The following CSMD1 variants were observed in gnomAD, a reference collection of about 807,000 sequenced individuals.
CSMD1 encodes the protein CUB and sushi domain-containing protein 1.
CSMD1 carries 213 observed loss-of-function variants against 417.5 expected under a neutral mutation model. That is an observed-to-expected ratio of 0.51 (90% confidence interval 0.46 to 0.57). The LOEUF is 0.57. Among genes scored for constraint, CSMD1 ranks in the 20% least tolerant of loss-of-function variants. The pLI is 0.00. For synonymous variants in CSMD1, 2,862 were observed against 1,736.8 expected, an observed-to-expected ratio of 1.65 and a Z score of -16.11; for missense variants, 6,923 against 4,529.7, an observed-to-expected ratio of 1.53 and a Z score of -15.17.
At chr8:4,829,124 A>C (rs1203680662) in intron 1 of CSMD1, among the ~76,000 whole-genome samples, 1 of 152,186 alleles carries the variant, frequency 6.6e-6, no homozygotes, top group Non-Finnish European at 1.5e-5. Context: ...TATCTGTTTC[A>C]GTCCTTTTGG....
At chr8:4,872,655 C>T (rs1802802308) in intron 1 of CSMD1, among the ~76,000 whole-genome samples, 1 of 152,032 alleles carries the variant, frequency 6.6e-6, no homozygotes, top group Non-Finnish European at 1.5e-5. Flanking sequence ...TACACTGCCT[C>T]AGAAATTGCG....
chr8:4,750,475 G>C (rs760832717), intron 1 of CSMD1, among the ~76,000 whole-genome samples: 1 of 152,032 alleles, frequency 6.6e-6, no homozygotes, highest in Non-Finnish European at 1.5e-5. Context: ...ACTCTTATGG[G>C]CAATGCCTCT....
At chr8:4,784,882 G>A (rs1585093728) in intron 1 of CSMD1, among the ~76,000 whole-genome samples, 1 of 152,170 alleles carries the variant, frequency 6.6e-6, no homozygotes, top group South Asian at 2.1e-4. Flanking sequence ...GTCTATTCCA[G>A]CCCTTGAGCG....
intron 23 of CSMD1, among the ~76,000 whole-genome samples, chr8:3,334,022 C>T (rs1002793894): frequency 1.3e-5 from 2 of 152,130 alleles, no homozygotes; most frequent in Non-Finnish European, 1.5e-5. Context: ...ATGACATGGA[C>T]CCATCGTGAT....
chr8:3,639,457 C>G (rs74788922), intron 7 of CSMD1, among the ~76,000 whole-genome samples: 6 of 152,100 alleles, frequency 3.9e-5, no homozygotes, highest in Non-Finnish European at 7.4e-5. Flanking sequence ...CAGTCTATGA[C>G]CTGAATTGTC....
chr8:3,990,814 T>C (rs184809738), intron 5 of CSMD1, among the ~76,000 whole-genome samples: 57 of 152,186 alleles, frequency 3.7e-4, no homozygotes, highest in African/African-American at 1.3e-3. Context: ...AAATAATTCC[T>C]AGGGTATACG....
chr8:3,314,108 CG>C (rs1805568905), intron 23 of CSMD1, among the ~76,000 whole-genome samples: 1 of 148,940 alleles, frequency 6.7e-6, no homozygotes, highest in Non-Finnish European at 1.5e-5. Context: ...CATCACACAC[CG>C]GAGCCTGTTG....
intron 3 of CSMD1, among the ~76,000 whole-genome samples, chr8:4,169,029 T>G (rs1472683458): frequency 6.6e-6 from 1 of 152,162 alleles, no homozygotes; most frequent in East Asian, 1.9e-4. Flanking sequence ...CTGTTCCAGT[T>G]GCTGGTTTCT....
intron 3 of CSMD1, among the ~76,000 whole-genome samples, chr8:4,328,956 G>A (rs1382161383): frequency 6.6e-6 from 1 of 152,210 alleles, no homozygotes; most frequent in Non-Finnish European, 1.5e-5. Flanking sequence ...TGCAAGTTTA[G>A]CAGAGTATCA....
At chr8:3,346,336 T>G (rs1415966961) in intron 22 of CSMD1, among the ~76,000 whole-genome samples, 2 of 152,232 alleles carry the variant, frequency 1.3e-5, no homozygotes, top group Non-Finnish European at 2.9e-5. Context: ...ATCATTCACC[T>G]GCACTAAAGT....
At chr8:3,046,296 G>A (rs1049995329) in intron 50 of CSMD1, among the ~76,000 whole-genome samples, 2 of 152,124 alleles carry the variant, frequency 1.3e-5, no homozygotes, top group East Asian at 1.9e-4. Flanking sequence ...TCAGAGGCAG[G>A]GCTTGGTGAG....
chr8:3,695,493 A>G (rs901642552), intron 7 of CSMD1, among the ~76,000 whole-genome samples: 47 of 152,300 alleles, frequency 3.1e-4, no homozygotes, highest in African/African-American at 1.1e-3. Flanking sequence ...ACCTTATGAT[A>G]ATTAGCGTTT....
intron 3 of CSMD1, among the ~76,000 whole-genome samples, chr8:4,118,786 T>C (rs530307094): frequency 1.3e-5 from 2 of 152,210 alleles, no homozygotes; most frequent in Non-Finnish European, 2.9e-5. Context: ...TAAAGACACA[T>C]GCACATGTAT....
intron 5 of CSMD1, among the ~76,000 whole-genome samples, chr8:3,898,649 C>T (rs943990900): frequency 6.6e-6 from 1 of 152,156 alleles, no homozygotes. Context: ...ATTTTGAATC[C>T]ACATGCAGAC....
intron 11 of CSMD1, among the ~76,000 whole-genome samples, chr8:3,478,212 T>C (rs552935379): frequency 7.9e-5 from 12 of 152,358 alleles, no homozygotes; most frequent in African/African-American, 2.9e-4. Flanking sequence ...TTACAATCGC[T>C]ATTTTAAATT....
intron 6 of CSMD1, among the ~76,000 whole-genome samples, chr8:3,731,747 T>A (rs1796273782): frequency 6.6e-6 from 1 of 152,162 alleles, no homozygotes; most frequent in African/African-American, 2.4e-5. Context: ...GAGACTAAGA[T>A]GATGAGCAAT....
At chr8:3,971,845 G>C (rs1813111440) in intron 5 of CSMD1, among the ~76,000 whole-genome samples, 1 of 152,058 alleles carries the variant, frequency 6.6e-6, no homozygotes, top group African/African-American at 2.4e-5. Context: ...GAAATATTTA[G>C]CTTGCCTGTG....
At chr8:4,471,514 C>G (rs1035597777) in intron 2 of CSMD1, among the ~76,000 whole-genome samples, 1 of 152,088 alleles carries the variant, frequency 6.6e-6, no homozygotes, top group Non-Finnish European at 1.5e-5. Flanking sequence ...TGGGTGGTCA[C>G]AGGACGGCAC....
At chr8:3,733,913 G>A (rs1796394909) in intron 6 of CSMD1, among the ~76,000 whole-genome samples, 1 of 152,042 alleles carries the variant, frequency 6.6e-6, no homozygotes, top group Non-Finnish European at 1.5e-5. Context: ...GTTTATGTAG[G>A]GTTTGGTGTT....
Sources: gnomAD v4.1 joint callset for allele counts (sites outside exome capture counted in the v4.1 genomes callset) on GRCh38, gnomAD v4.1.1 for gene constraint, MANE v1.5 for transcripts, NCBI Gene and HGNC (gene_info 2026-07-23, HGNC 2026-07-21) for gene names.